The following CNTNAP2 variants were observed in gnomAD, a reference collection of about 807,000 sequenced individuals.
CNTNAP2 encodes contactin associated protein 2.
A neutral mutation model predicts 155.2 loss-of-function variants in CNTNAP2; 98 were observed. That is an observed-to-expected ratio of 0.63 (90% CI 0.54 to 0.75). The LOEUF is 0.75. CNTNAP2 is among the 30% of genes least tolerant of loss of function. The pLI is 0.00. For missense variants in CNTNAP2, 1,727 were observed against 1,688.1 expected (o/e 1.02, Z -0.40); for synonymous variants, 651 against 631.2 (o/e 1.03, Z -0.47).
At chr7:146,584,288 T>C (rs1019490347) in intron 1 of CNTNAP2, among the ~76,000 whole-genome samples, 2 of 152,168 alleles carry the variant, frequency 1.3e-5, no homozygotes, top group Admixed American at 6.5e-5. Context: ...TCAGTTTTCT[T>C]ATCTGTATAA....
rs540786096 is a variant in CNTNAP2 at position 147,132,122 on chromosome 7, G to T, written c.1084-123G>T. ...CTGAATCCATGCTCTGCTGCTGTGT[G>T]TGAGTTTAGCTTAGGCTCAGGCTGT... On this transcript the variant is annotated intron_variant, in intron 7 of 23. Transcript: ENST00000361727. 1.6e-4 allele frequency: 198 copies of T among 1,244,528 alleles called. No individual in the cohort carries two copies. In the African/African-American group the frequency reaches 2.4e-3, roughly 15 times the overall value. 77.1% of individuals were successfully genotyped at this position (1,244,528 alleles called of 1,614,324 possible). A position where few individuals can be genotyped will look rare whatever the true frequency, so the allele number is the denominator to read the frequency against.
At chr7:148,064,989 T>A (rs1585106504) in intron 15 of CNTNAP2, among the ~76,000 whole-genome samples, 2 of 152,160 alleles carry the variant, frequency 1.3e-5, no homozygotes, top group African/African-American at 2.4e-5. Context: ...ATAGGTTGTG[T>A]CATTATTATC....
intron 18 of CNTNAP2, among the ~76,000 whole-genome samples, chr7:148,206,799 A>C (rs1481457171): frequency 6.6e-6 from 1 of 152,126 alleles, no homozygotes; most frequent in African/African-American, 2.4e-5. Flanking sequence ...TGCATTCCTC[A>C]TGCCTTGGTG....
intron 1 of CNTNAP2, among the ~76,000 whole-genome samples, chr7:146,746,746 C>T (rs1428034761): frequency 1.3e-5 from 2 of 152,062 alleles, no homozygotes; most frequent in African/African-American, 4.8e-5. Context: ...GCCTACTTAC[C>T]ATTAGATCAA....
intron 3 of CNTNAP2, among the ~76,000 whole-genome samples, chr7:146,890,018 G>A (rs1237511851): frequency 6.6e-6 from 1 of 152,086 alleles, no homozygotes; most frequent in Admixed American, 6.6e-5. Flanking sequence ...GGTACAGAAA[G>A]CCAAATCACA....
chr7:147,238,062 T>C (rs1220799729), intron 8 of CNTNAP2, among the ~76,000 whole-genome samples: 1 of 152,234 alleles, frequency 6.6e-6, no homozygotes, highest in African/African-American at 2.4e-5. Context: ...TCGCCCAGGC[T>C]GGAGTGCAGT....
At chr7:147,320,796 C>T (rs1183941433) in intron 9 of CNTNAP2, among the ~76,000 whole-genome samples, 1 of 152,156 alleles carries the variant, frequency 6.6e-6, no homozygotes, top group Admixed American at 6.5e-5. Flanking sequence ...TCGCAGAGGT[C>T]CCTATGAGAA....
At chr7:146,507,123 C>A (rs1001482203) in intron 1 of CNTNAP2, among the ~76,000 whole-genome samples, 1 of 152,210 alleles carries the variant, frequency 6.6e-6, no homozygotes, top group Non-Finnish European at 1.5e-5. Context: ...TACCCATGAA[C>A]ATACTTGCTC....
At chr7:148,104,602 A>G (rs1221748297) in intron 15 of CNTNAP2, among the ~76,000 whole-genome samples, 2 of 152,180 alleles carry the variant, frequency 1.3e-5, no homozygotes, top group African/African-American at 2.4e-5. Context: ...TGGAAACTTA[A>G]TGCTATTAGA....
intron 13 of CNTNAP2, among the ~76,000 whole-genome samples, chr7:147,736,372 A>G (rs972056802): frequency 6.6e-5 from 10 of 152,116 alleles, no homozygotes; most frequent in African/African-American, 1.9e-4. Context: ...TGGCTTGTAG[A>G]GTTTCTGCCA....
intron 1 of CNTNAP2, among the ~76,000 whole-genome samples, chr7:146,549,999 T>C (rs1360713537): frequency 6.6e-6 from 1 of 151,960 alleles, no homozygotes; most frequent in Non-Finnish European, 1.5e-5. Flanking sequence ...ATGAATTTGA[T>C]CCACATAAAG....
At chr7:147,401,251 G>A (rs776618434) in intron 10 of CNTNAP2, among the ~76,000 whole-genome samples, 2 of 152,066 alleles carry the variant, frequency 1.3e-5, no homozygotes, top group South Asian at 2.1e-4. Context: ...ATAACACAGA[G>A]AGCGGAAAAG....
At chr7:146,449,881 G>A (rs1796452945) in intron 1 of CNTNAP2, among the ~76,000 whole-genome samples, 2 of 152,096 alleles carry the variant, frequency 1.3e-5, no homozygotes, top group African/African-American at 4.8e-5. Flanking sequence ...CATGTTCCTT[G>A]TATTCAGGTG....
chr7:147,377,396 A>T (rs1445541923), intron 9 of CNTNAP2, among the ~76,000 whole-genome samples: 1 of 151,356 alleles, frequency 6.6e-6, no homozygotes, highest in Non-Finnish European at 1.5e-5. Context: ...CTCTTTTTTA[A>T]CTTTAATATT....
At chr7:146,834,758 G>GTCCA (rs1245802933) in intron 2 of CNTNAP2, among the ~76,000 whole-genome samples, 3 of 152,032 alleles carry the variant, frequency 2.0e-5, no homozygotes, top group Non-Finnish European at 4.4e-5. Flanking sequence ...CCTCTTTGAC[G>GTCCA]TCCAACCACT....
intron 14 of CNTNAP2, among the ~76,000 whole-genome samples, chr7:147,925,631 T>G (rs894512240): frequency 6.6e-6 from 1 of 152,014 alleles, no homozygotes; most frequent in Non-Finnish European, 1.5e-5. Context: ...TCGGCTAATT[T>G]TTTGTATTTT....
intron 3 of CNTNAP2, among the ~76,000 whole-genome samples, chr7:146,933,204 T>C (rs1563008740): frequency 6.6e-6 from 1 of 151,806 alleles, no homozygotes; most frequent in Non-Finnish European, 1.5e-5. Context: ...AAGGCTACAG[T>C]AACCAAAACA....
chr7:146,721,889 A>ATATATTTTTTTTTTTTTTTTTTTTTTTTT, intron 1 of CNTNAP2, among the ~76,000 whole-genome samples: 1 of 69,738 alleles, frequency 1.4e-5, no homozygotes, highest in Non-Finnish European at 2.4e-5. Context: ...ATATATATAT[A>ATATATTTTTTTTTTTTTTTTTTTTTTTTT]TTTTTTTTTT....
chr7:148,036,961 A>G (rs903575463), intron 15 of CNTNAP2, among the ~76,000 whole-genome samples: 3 of 152,190 alleles, frequency 2.0e-5, no homozygotes, highest in African/African-American at 7.2e-5. Context: ...ATTGTTACAT[A>G]ATTAGCACAA....
Sources: gnomAD v4.1 joint callset for allele counts (sites outside exome capture counted in the v4.1 genomes callset) on GRCh38, gnomAD v4.1.1 for gene constraint, MANE v1.5 for transcripts, NCBI Gene and HGNC (gene_info 2026-07-23, HGNC 2026-07-21) for gene names.